The following KCNJ6 variants were observed in gnomAD, a reference collection of about 807,000 sequenced individuals.
KCNJ6 encodes the protein G protein-activated inward rectifier potassium channel 2.
Under a neutral mutation model 34.2 loss-of-function variants are expected in KCNJ6, and 9 were observed. That is an observed-to-expected ratio of 0.26 (90% confidence interval 0.16 to 0.46). The LOEUF (loss-of-function observed/expected upper bound fraction) is 0.46, where lower values mean the gene tolerates loss of function less well. Among genes scored for constraint, KCNJ6 ranks in the 20% least tolerant of loss-of-function variants. The pLI, the probability that KCNJ6 is intolerant of heterozygous loss-of-function variation, is 1.00. For missense variants in KCNJ6, 236 were observed against 531.3 expected, an observed-to-expected ratio of 0.44 and a Z score of 5.46; for synonymous variants, 196 against 207.1, an observed-to-expected ratio of 0.95 and a Z score of 0.46.
At chr21:37,750,459 GCAAAGACTTGGAAC>G (rs1392592574) in intron 2 of KCNJ6, among the ~76,000 whole-genome samples, 2 of 152,176 alleles carry the variant, frequency 1.3e-5, no homozygotes, top group African/African-American at 4.8e-5. Flanking sequence ...ATTCACAACA[GCAAAGACTTGGAAC>G]CAACCTAAAC....
intron 2 of KCNJ6, among the ~76,000 whole-genome samples, chr21:37,796,547 G>A (rs2055243009): frequency 6.6e-6 from 1 of 152,098 alleles, no homozygotes; most frequent in Non-Finnish European, 1.5e-5. Context: ...GCAATCAAGT[G>A]CTTGGATGAG....
intron 2 of KCNJ6, among the ~76,000 whole-genome samples, chr21:37,722,784 C>A (rs1489637233): frequency 6.6e-6 from 1 of 152,182 alleles, no homozygotes; most frequent in African/African-American, 2.4e-5. Context: ...CAAAGATTAA[C>A]TCAATATAGA....
intron 1 of KCNJ6, among the ~76,000 whole-genome samples, chr21:37,902,364 C>G (rs945377698): frequency 2.0e-5 from 3 of 152,184 alleles, no homozygotes. Context: ...GAAGAAAGCT[C>G]TTTCCCATGT....
At chr21:37,663,592 A>G (rs2123400542) in intron 3 of KCNJ6, among the ~76,000 whole-genome samples, 1 of 152,350 alleles carries the variant, frequency 6.6e-6, no homozygotes, top group Non-Finnish European at 1.5e-5. Context: ...GAACAGTGGT[A>G]TAGCTATACT....
At chr21:37,718,025 G>C (rs2054803154) in intron 2 of KCNJ6, among the ~76,000 whole-genome samples, 1 of 152,160 alleles carries the variant, frequency 6.6e-6, no homozygotes, top group African/African-American at 2.4e-5. Flanking sequence ...AGTCTGGGGG[G>C]ATATCTGTTA....
At chr21:37,711,065 T>G (rs3787819) in intron 3 of KCNJ6, among the ~76,000 whole-genome samples, 11,661 of 152,290 alleles carry the variant, frequency 0.077, 1,091 homozygotes, top group African/African-American at 0.22. Flanking sequence ...GGCATGGGTC[T>G]GTCTTTTGTG....
At chr21:37,826,890 C>G (rs2055401600) in intron 2 of KCNJ6, among the ~76,000 whole-genome samples, 1 of 152,082 alleles carries the variant, frequency 6.6e-6, no homozygotes, top group Non-Finnish European at 1.5e-5. Flanking sequence ...AATCCAGACT[C>G]GTTTTGTCCT....
chr21:37,825,914 T>C (rs1264786892), intron 2 of KCNJ6, among the ~76,000 whole-genome samples: 2 of 152,184 alleles, frequency 1.3e-5, no homozygotes, highest in Admixed American at 1.3e-4. Context: ...ACTGCCCCCA[T>C]GATTCAATTA....
chr21:37,849,228 T>C (rs978952236), intron 1 of KCNJ6, among the ~76,000 whole-genome samples: 5 of 152,168 alleles, frequency 3.3e-5, no homozygotes, highest in African/African-American at 1.2e-4. Flanking sequence ...TTCCCAGGAC[T>C]CAACCACAGT....
At position 37,695,424 on chromosome 21, in the gene KCNJ6, A is replaced by C. The variant is rs2054659663; in HGVS notation, c.946+18787T>G. On this transcript the variant is annotated intron_variant, in intron 3 of 3. Coordinates refer to ENST00000609713, the MANE Select transcript of KCNJ6 (RefSeq NM_002240.5). This position sits in a 1 kb window ranked among gnomAD's most constrained non-coding sequence, Gnocchi z 4.2. ...TCAGTTTCACAGGGCTGGTTTTTAC[A>C]TTATGCAGCTCAATAAAAGTAGTGG... Among the ~76,000 whole-genome samples the C allele has an allele frequency of 6.6e-6, 1 of 152,188 alleles. No homozygotes were observed. Among genetic ancestry groups the C allele is most frequent in the Non-Finnish European group, 1.5e-5 (1 of 68,032 alleles).
Position 37,634,563 on chromosome 21 carries a change from C to T in KCNJ6, c.947-9079G>A, listed in dbSNP as rs181163287. Among the ~76,000 whole-genome samples the T allele has an allele frequency of 3.5e-4, 53 of 152,208 alleles. No homozygotes were observed. The East Asian group carries it at 8.3e-3, about 24-fold the overall frequency. On this transcript the variant is annotated intron_variant, in intron 3 of 3. Coordinates refer to ENST00000609713, the MANE Select transcript of KCNJ6 (RefSeq NM_002240.5). ...AACAACCCAACTGTCCATTGACAGACAATGGCATATATTCACCTAGTGGAA... is the reference window on the plus strand; with the variant it reads ...AACAACCCAACTGTCCATTGACAGATAATGGCATATATTCACCTAGTGGAA...
At chr21:37,661,614 G>GTTCTTTTTTTTTTTTTT (rs766622814) in intron 3 of KCNJ6, among the ~76,000 whole-genome samples, 1 of 71,198 alleles carries the variant, frequency 1.4e-5, no homozygotes, top group African/African-American at 5.3e-5. Flanking sequence ...AAGAGACATA[G>GTTCTTTTTTTTTTTTTT]TTTTTTTTTT....
chr21:37,866,928 C>A (rs567625982), intron 1 of KCNJ6, among the ~76,000 whole-genome samples: 1 of 152,200 alleles, frequency 6.6e-6, no homozygotes, highest in Admixed American at 6.5e-5. Context: ...CATTGCCATT[C>A]AGCTATTTTT....
chr21:37,787,415 C>T (rs1259801129), intron 2 of KCNJ6, among the ~76,000 whole-genome samples: 3 of 152,154 alleles, frequency 2.0e-5, no homozygotes, highest in African/African-American at 4.8e-5. Flanking sequence ...CATACTCACT[C>T]TTCTTTTAAT....
In KCNJ6 at chr21:37,627,265, G is replaced by A. The variant is rs187602745; in HGVS notation, c.947-1781C>T. ...TGCTCTTCCTCTTAATCTCAAAACC[G>A]AAATGTGACCCTTTTTCAATGTTTC... On this transcript the variant is annotated intron_variant, in intron 3 of 3. Transcript: ENST00000609713. Among the ~76,000 whole-genome samples the A allele has an allele frequency of 3.4e-3, 512 of 152,184 alleles. 5 individuals are homozygous for A. Among genetic ancestry groups the A allele is most frequent in the Non-Finnish European group, 5.3e-3 (361 of 68,002 alleles).
intron 2 of KCNJ6, among the ~76,000 whole-genome samples, chr21:37,790,451 G>A (rs914306011): frequency 2.0e-5 from 3 of 152,098 alleles, no homozygotes; most frequent in Non-Finnish European, 4.4e-5. Context: ...CCCATGAATT[G>A]TCTTATTTAG....
intron 2 of KCNJ6, among the ~76,000 whole-genome samples, chr21:37,727,894 GCAA>G (rs34175609): frequency 2.1e-4 from 32 of 151,846 alleles, no homozygotes; most frequent in Middle Eastern, 3.4e-3. Flanking sequence ...TCTGCATCTA[GCAA>G]CAACAACAAC....
chr21:37,791,465 T>C (rs532405619), intron 2 of KCNJ6, among the ~76,000 whole-genome samples: 1 of 152,208 alleles, frequency 6.6e-6, no homozygotes, highest in East Asian at 1.9e-4. Context: ...AAGCACATTG[T>C]CCCCTGACAA....
At chr21:37,748,253 G>A (rs2054977800) in intron 2 of KCNJ6, among the ~76,000 whole-genome samples, 1 of 152,192 alleles carries the variant, frequency 6.6e-6, no homozygotes, top group Non-Finnish European at 1.5e-5. Flanking sequence ...GGGTTGTGAT[G>A]TATCTTGCAC....
Sources: gnomAD v4.1 joint callset for allele counts (sites outside exome capture counted in the v4.1 genomes callset) on GRCh38, gnomAD v4.1.1 for gene constraint, Gnocchi (gnomAD v3.1) non-coding constraint, MANE v1.5 for transcripts, NCBI Gene and HGNC (gene_info 2026-07-23, HGNC 2026-07-21) for gene names.